Variants in MROH2A observed in about 807,000 individuals in gnomAD.
MROH2A encodes the protein maestro heat like repeat family member 2A.
MROH2A carries 174 observed loss-of-function variants against 200.4 expected under a neutral mutation model. The ratio of observed to expected loss-of-function variants is 0.87; its 90% CI spans 0.77 to 0.98. The LOEUF is 0.98. MROH2A is among the 50% of genes least tolerant of loss of function. The pLI is 0.00. For synonymous variants in MROH2A, 829 were observed against 840.4 expected (o/e 0.99, Z 0.23); for missense variants, 2,045 against 2,139.6 (o/e 0.96, Z 0.87).
At chr2:233,796,612 A>C (rs1702128069) in intron 11 of MROH2A, among the ~76,000 whole-genome samples, 1 of 152,182 alleles carries the variant, frequency 6.6e-6, no homozygotes. Context: ...ACATAGGCAT[A>C]ACTCTGAAGC....
chr2:233,783,959 C>T (rs1701072404), intron 3 of MROH2A, among the ~76,000 whole-genome samples: 1 of 151,784 alleles, frequency 6.6e-6, no homozygotes, highest in Non-Finnish European at 1.5e-5. Context: ...TTTACTCTAG[C>T]TAAATATTTA....
intron 6 of MROH2A, among the ~76,000 whole-genome samples, chr2:233,793,346 A>G (rs1701901739): frequency 6.6e-6 from 1 of 152,170 alleles, no homozygotes; most frequent in South Asian, 2.1e-4. Context: ...CTAGTGCCTG[A>G]GAAAAAGAGG....
In MROH2A at chr2:233,787,971, A is replaced by AT. The variant is rs1243715380; in HGVS notation, c.277-1526_277-1525insT. ...TATTATATATACATATATTATATATACATATATATTATATATACATATATT... is the reference window on the plus strand; with the variant it reads ...TATTATATATACATATATTATATATATCATATATATTATATATACATATATT... On this transcript the variant is annotated intron_variant, in intron 3 of 41. Transcript: ENST00000389758. 4.0e-4 allele frequency among the ~76,000 whole-genome samples: 30 copies of AT among 75,490 alleles called. 2 individuals carry two copies. The highest frequency in any genetic ancestry group is 1.7e-3 in the African/African-American group (28 of 16,926). 49.5% of individuals were successfully genotyped at this position (75,490 alleles called of 152,430 possible).
chr2:233,819,012 G>A (rs1278019079), intron 29 of MROH2A, among the ~76,000 whole-genome samples: 1 of 152,250 alleles, frequency 6.6e-6, no homozygotes, highest in East Asian at 1.9e-4. Context: ...CCCTGTCCCT[G>A]TGATGTGCCA....
intron 37 of MROH2A, 47 bp from the exon 38 acceptor site, chr2:233,829,573 G>C: frequency 7.4e-7 from 1 of 1,355,700 alleles, no homozygotes; most frequent in Non-Finnish European, 9.5e-7. Context: ...GGGTTTTGCT[G>C]GGCTTCCTGC....
chr2:233,788,764 C>T (rs1031339278), intron 3 of MROH2A, among the ~76,000 whole-genome samples: 2 of 151,362 alleles, frequency 1.3e-5, no homozygotes, highest in African/African-American at 2.4e-5. Context: ...GGTGAAACCC[C>T]GTCTCTACTA....
At chr2:233,821,866 G>T (rs1280887371) in intron 31 of MROH2A, among the ~76,000 whole-genome samples, 2 of 152,132 alleles carry the variant, frequency 1.3e-5, no homozygotes, top group African/African-American at 2.4e-5. Flanking sequence ...TGGTCATCTA[G>T]CAGTGGAGGT....
In MROH2A at chr2:233,804,145, C is replaced by A. The variant is rs1235375805; in HGVS notation, c.1844C>A (p.Ala615Asp). ...AGCCAGAGCATCGCACCCTCCATGG[C>A]CGACATGTGGGAGCTGGAGATTGCG... The part of the protein sequence containing the change: ...TLSQSIAPSM[A>D]DMWELEIALL... Residue 615 changes from alanine to aspartate, a missense_variant, in exon 17 of 42, where the codon GCC becomes GAC. Ala to Asp is a moderately radical substitution (Grantham distance 126). Around this residue, in one of 3 missense-constraint regions of MROH2A, gnomAD observed 831 missense variants for 800.0 expected, o/e 1.04. Coordinates refer to ENST00000389758, the MANE Select transcript of MROH2A (RefSeq NM_001394639.1). 1.3e-6 allele frequency: 2 copies of A among 1,550,550 alleles called. No homozygotes were observed. Among genetic ancestry groups the A allele is most frequent in the South Asian group, 2.4e-5 (2 of 84,064 alleles).
In MROH2A at chr2:233,828,856, G is replaced by A. The variant is rs960534103; in HGVS notation, c.4264-34G>A. ...GGTGCCCTGGTCAGCCTGGGAGGGA[G>A]GGTGCAGGCTGAGGGCTGCCCATGC... On this transcript the variant is annotated intron_variant, in intron 36 of 41. Coordinates refer to ENST00000389758, the MANE Select transcript of MROH2A (RefSeq NM_001394639.1). The surrounding 1 kb of genome is among the most constrained non-coding windows in gnomAD (Gnocchi z 4.6). The A allele has an allele frequency of 1.9e-5, 29 of 1,549,922 alleles. No individual in the cohort carries two copies. The highest frequency in any genetic ancestry group is 2.3e-5 in the Non-Finnish European group (26 of 1,146,756).
chr2:233,795,437 C>T (rs1011047899), intron 8 of MROH2A, among the ~76,000 whole-genome samples: 25 of 152,196 alleles, frequency 1.6e-4, no homozygotes, highest in African/African-American at 6.0e-4. Context: ...GCAGCACTTC[C>T]CAAGCCTTGC....
rs554748658 is a variant in MROH2A, at chr2:233,789,557, G to T, written c.337G>T (p.Gly113Trp). The T allele has an allele frequency of 7.8e-5, 116 of 1,492,224 alleles. No individual in the cohort carries two copies. In the African/African-American group the frequency reaches 1.4e-3, roughly 18 times the overall value. 92.4% of individuals were successfully genotyped at this position (1,492,224 alleles called of 1,614,324 possible). A position where few individuals can be genotyped will look rare whatever the true frequency, so the allele number is the denominator to read the frequency against. ...CCTCCAGGACATCATCCAGCAGGAG[G>T]GGGAGCTGGAGGAGCAGTGCGTGCA... is the stretch of plus-strand genomic sequence containing the variant. ...NILQDIIQQE[G>W]ELEEQCVQRL... The change falls in exon 4 of 42, where the codon GGG becomes TGG. Residue 113 changes from glycine to tryptophan, a missense_variant. Coordinates refer to ENST00000389758, the MANE Select transcript of MROH2A (RefSeq NM_001394639.1).
intron 3 of MROH2A, among the ~76,000 whole-genome samples, chr2:233,787,957 C>T (rs868238144): frequency 1.5e-3 from 17 of 11,198 alleles, no homozygotes; most frequent in African/African-American, 6.0e-3. Context: ...ATTATATATA[C>T]ATATATTATA....
Position 233,815,915 on chromosome 2 carries a change from G to A in MROH2A, c.2857-866G>A, listed in dbSNP as rs902573244. Among the ~76,000 whole-genome samples, 5 of 144,702 alleles carry A rather than the reference G, an allele frequency of 3.5e-5. No homozygotes were observed. In the South Asian group the frequency reaches 6.5e-4, roughly 19 times the overall value. 94.9% of individuals were successfully genotyped at this position (144,702 alleles called of 152,430 possible). On this transcript the variant is annotated intron_variant, in intron 26 of 41. Transcript: ENST00000389758. ...TTGCGTTTTAATTTTATTTCGGTTCGAAACATTTTAAATTTCCCTTATGAT... is the reference window on the plus strand; with the variant it reads ...TTGCGTTTTAATTTTATTTCGGTTCAAAACATTTTAAATTTCCCTTATGAT...
intron 5 of MROH2A, among the ~76,000 whole-genome samples, chr2:233,792,477 C>T (rs537072144): frequency 1.8e-4 from 28 of 152,114 alleles, no homozygotes; most frequent in East Asian, 7.8e-4. Flanking sequence ...CACGCCCGGC[C>T]AATTTTTTGT....
rs561762122 is a variant in MROH2A at position 233,822,297 on chromosome 2, G to A, written c.3672+14G>A. 1.6e-5 allele frequency: 24 copies of A among 1,547,808 alleles called. No individual in the cohort carries two copies. The highest frequency in any genetic ancestry group is 3.3e-4 in the Middle Eastern group (2 of 5,986). ...GACCCCCTGATGGTGAGTTGCAGGC[G>A]CAGGCCCCAAGGCTCCTCAGGGGTC... On this transcript the variant is annotated intron_variant, in intron 32 of 41. Coordinates refer to ENST00000389758, the MANE Select transcript of MROH2A (RefSeq NM_001394639.1).
chr2:233,831,844 T>G (rs10185631), intron 39 of MROH2A, among the ~76,000 whole-genome samples: 13,281 of 152,290 alleles, frequency 0.087, 593 homozygotes, highest in East Asian at 0.18. Context: ...TAAAAACTAT[T>G]ATTGTGATAT....
intron 14 of MROH2A, 147 bp from the exon 15 acceptor site, chr2:233,802,021 G>A (rs1702506055): frequency 4.6e-6 from 4 of 875,954 alleles, no homozygotes; most frequent in South Asian, 2.2e-5. Flanking sequence ...GGATTTGGCG[G>A]TGGAGCCAGT....
intron 15 of MROH2A, among the ~76,000 whole-genome samples, chr2:233,802,763 T>C (rs948839430): frequency 6.6e-6 from 1 of 152,238 alleles, no homozygotes; most frequent in African/African-American, 2.4e-5. Context: ...TATGCCCACC[T>C]ACCATGCTTG....
chr2:233,824,642 C>T (rs1704182888), intron 35 of MROH2A, among the ~76,000 whole-genome samples: 3 of 152,232 alleles, frequency 2.0e-5, no homozygotes, highest in Admixed American at 6.5e-5. Flanking sequence ...AGTTACTTAG[C>T]GTCTCTGAGC....
Sources: allele counts gnomAD v4.1 joint callset (sites outside exome capture counted in the v4.1 genomes callset), GRCh38; gene constraint gnomAD v4.1.1; regional missense constraint gnomAD v4.1.1; non-coding constraint Gnocchi (gnomAD v3.1); transcripts MANE v1.5; gene names NCBI Gene and HGNC (gene_info 2026-07-23, HGNC 2026-07-21).